Variants in GABRG3 observed in about 807,000 individuals in gnomAD.
The protein encoded by GABRG3 is gamma-aminobutyric acid type A receptor subunit gamma3, also known as gamma-aminobutyric acid receptor subunit gamma-3.
In GABRG3, 25 loss-of-function variants were observed where a neutral mutation model predicts 48.8. That is an observed-to-expected ratio of 0.51 (90% confidence interval 0.37 to 0.72). The LOEUF (loss-of-function observed/expected upper bound fraction) is 0.72, where lower values mean the gene tolerates loss of function less well. GABRG3 is among the 30% of genes least tolerant of loss of function. The pLI is 0.00. For missense variants in GABRG3, 394 were observed against 577.9 expected, an observed-to-expected ratio of 0.68 and a Z score of 3.26; for synonymous variants, 227 against 217.6, an observed-to-expected ratio of 1.04 and a Z score of -0.38.
At position 27,031,090 on chromosome 15, in the gene GABRG3, A is replaced by ACACG. The variant is rs762941039; in HGVS notation, c.270+4271_270+4272insCGCA. On this transcript the variant is annotated intron_variant, in intron 3 of 9. Transcript: ENST00000615808. ...CACACACACACACACACACACACATACAACACATAACACATTATTATTAAC... is the reference window on the plus strand; with the variant it reads ...CACACACACACACACACACACACATACACGCAACACATAACACATTATTATTAAC... Among the ~76,000 whole-genome samples the ACACG allele has an allele frequency of 1.2e-4, 18 of 146,674 alleles. 1 individual carries two copies. The highest frequency in any genetic ancestry group is 2.5e-4 in the Non-Finnish European group (17 of 67,642).
chr15:27,403,914 C>CAAAAAAAAAAAAAAA (rs528760544), intron 5 of GABRG3, among the ~76,000 whole-genome samples: 2 of 68,526 alleles, frequency 2.9e-5, no homozygotes, highest in Non-Finnish European at 6.4e-5. Context: ...CAAAAAAAAA[C>CAAAAAAAAAAAAAAA]AAAAAAAAAA....
intron 3 of GABRG3, among the ~76,000 whole-genome samples, chr15:27,171,778 A>G (rs186112587): frequency 1.3e-5 from 2 of 152,250 alleles, no homozygotes; most frequent in East Asian, 3.9e-4. Context: ...TTCTATGTGC[A>G]GTGAGGAACT....
Position 27,180,530 on chromosome 15 carries a change from T to G in GABRG3, c.271-146279T>G, listed in dbSNP as rs1201587498. 6.6e-6 allele frequency among the ~76,000 whole-genome samples: 1 copy of G among 151,972 alleles called. No homozygotes were observed. The highest frequency in any genetic ancestry group is 1.5e-5 in the Non-Finnish European group (1 of 67,984). ...TTCCCTCAACAAACCCTGCTCCACG[T>G]ATACCCTCAGGTTCAACTCATCGCT... On this transcript the variant is annotated intron_variant, in intron 3 of 9. Transcript: ENST00000615808. The surrounding 1 kb of genome is among the most constrained non-coding windows in gnomAD (Gnocchi z 4.2).
rs1486022418 is a variant in GABRG3 at position 27,024,818 on chromosome 15, GGA to G, written c.203-1934_203-1933del. Reference sequence around the variant, plus strand: ...GGGGTGGGCAGATCACCTGAGGTCAGGAGTTCAAGACCAACCTGGCTAACATG... The same window carrying G: ...GGGGTGGGCAGATCACCTGAGGTCAGGTTCAAGACCAACCTGGCTAACATG... On this transcript the variant is annotated intron_variant, in intron 2 of 9. Coordinates refer to ENST00000615808, the MANE Select transcript of GABRG3 (RefSeq NM_033223.5). Among the ~76,000 whole-genome samples, 5 of 152,114 alleles carry G rather than the reference GGA, an allele frequency of 3.3e-5. 1 individual carries two copies. The East Asian group carries it at 9.7e-4, about 29-fold the overall frequency.
intron 3 of GABRG3, among the ~76,000 whole-genome samples, chr15:27,172,475 C>T (rs978441426): frequency 6.6e-6 from 1 of 152,132 alleles, no homozygotes; most frequent in Non-Finnish European, 1.5e-5. Context: ...CTTCACTTGA[C>T]GTTTGTGAAT....
In GABRG3 at chr15:27,397,175, G is replaced by A. The variant is rs147089313; in HGVS notation, c.574+68287G>A. ...TGACTGTATTATAAGTGAAACATAC[G>A]CCTACATGGAAGGGGGCGGGGGTGC... On this transcript the variant is annotated intron_variant, in intron 5 of 9. Coordinates refer to ENST00000615808, the MANE Select transcript of GABRG3 (RefSeq NM_033223.5). Among the ~76,000 whole-genome samples the A allele has an allele frequency of 1.9e-3, 288 of 152,236 alleles. 3 individuals carry two copies. Among genetic ancestry groups the A allele is most frequent in the Admixed American group, 0.014 (221 of 15,286 alleles).
chr15:27,537,072 T>C lies in GABRG3; in HGVS notation c.*4191T>C, dbSNP rs950403150. 4 of 151,830 alleles carry C rather than the reference T, an allele frequency of 2.6e-5. No individual in the cohort carries two copies. The highest frequency in any genetic ancestry group is 2.6e-4 in the Admixed American group (4 of 15,236). The allele number at this position is 151,830 out of a possible 1,614,324, so 9.4% of individuals were successfully genotyped here. On this transcript the variant is annotated 3_prime_UTR_variant, in exon 10 of 10. Coordinates refer to ENST00000615808, the MANE Select transcript of GABRG3 (RefSeq NM_033223.5). ...ATCTTGCAACTCTTTTTGAGTGCTT[T>C]TCCTGAGCGATTTTAAACTCTACCC...
chr15:27,472,368 C>T (rs12915318), intron 5 of GABRG3, among the ~76,000 whole-genome samples: 37 of 152,190 alleles, frequency 2.4e-4, no homozygotes, highest in Middle Eastern at 3.4e-3. Flanking sequence ...CTCTGCCTCC[C>T]GGGTTCAAGC....
chr15:27,002,848 C>G (rs1217517321), intron 2 of GABRG3, among the ~76,000 whole-genome samples: 1 of 151,542 alleles, frequency 6.6e-6, no homozygotes, highest in Non-Finnish European at 1.5e-5. Context: ...GCCTGTGGTC[C>G]CAGCTACTTG....
At chr15:27,168,445 C>T (rs1266418353) in intron 3 of GABRG3, among the ~76,000 whole-genome samples, 1 of 152,124 alleles carries the variant, frequency 6.6e-6, no homozygotes. Flanking sequence ...GAAGTTTCTC[C>T]TTCTGTTTTT....
At chr15:27,381,042 G>A (rs1895758954) in intron 5 of GABRG3, among the ~76,000 whole-genome samples, 1 of 152,158 alleles carries the variant, frequency 6.6e-6, no homozygotes. Flanking sequence ...TAGGATTACA[G>A]GCCTGAGCCA....
At chr15:27,116,090 C>G (rs1595533404) in intron 3 of GABRG3, among the ~76,000 whole-genome samples, 1 of 152,188 alleles carries the variant, frequency 6.6e-6, no homozygotes, top group South Asian at 2.1e-4. Flanking sequence ...CAACCTCAAC[C>G]AACCTGCTGA....
At chr15:27,023,681 T>C (rs1895937019) in intron 2 of GABRG3, among the ~76,000 whole-genome samples, 1 of 152,242 alleles carries the variant, frequency 6.6e-6, no homozygotes, top group South Asian at 2.1e-4. Flanking sequence ...ATTGTCTATG[T>C]ATACTACATT....
At chr15:27,024,742 A>G (rs1895954270) in intron 2 of GABRG3, among the ~76,000 whole-genome samples, 1 of 152,160 alleles carries the variant, frequency 6.6e-6, no homozygotes, top group East Asian at 1.9e-4. Flanking sequence ...AAGAGCATCT[A>G]CTGGCCGGGC....
At chr15:27,121,790 G>A (rs920548506) in intron 3 of GABRG3, among the ~76,000 whole-genome samples, 3 of 152,170 alleles carry the variant, frequency 2.0e-5, no homozygotes, top group Non-Finnish European at 2.9e-5. Context: ...AAAAAAGAGT[G>A]AGATTCTGTT....
rs532459152 is a variant in GABRG3 at position 27,354,996 on chromosome 15, A to C, written c.574+26108A>C. Among the ~76,000 whole-genome samples the C allele has an allele frequency of 7.3e-5, 11 of 151,208 alleles. No individual in the cohort carries two copies. The South Asian group carries it at 2.3e-3, about 31-fold the overall frequency. ...GGTTCTAATCGGAGGATCATTGAGA[A>C]GGAGAGAGCTCTGCCAATAATTATG... On this transcript the variant is annotated intron_variant, in intron 5 of 9. Coordinates refer to ENST00000615808, the MANE Select transcript of GABRG3 (RefSeq NM_033223.5).
At chr15:27,473,997 C>G (rs1021928159) in intron 5 of GABRG3, among the ~76,000 whole-genome samples, 1 of 152,170 alleles carries the variant, frequency 6.6e-6, no homozygotes, top group Non-Finnish European at 1.5e-5. Context: ...TACACAGAGG[C>G]CCTGAAGAGG....
Position 27,139,947 on chromosome 15 carries a change from C to T in GABRG3, c.270+113126C>T, listed in dbSNP as rs1048646653. Among the ~76,000 whole-genome samples the T allele has an allele frequency of 2.0e-5, 3 of 152,138 alleles. No individual in the cohort carries two copies. In the South Asian group the frequency reaches 6.2e-4, roughly 31 times the overall value. On this transcript the variant is annotated intron_variant, in intron 3 of 9. Coordinates refer to ENST00000615808, the MANE Select transcript of GABRG3 (RefSeq NM_033223.5). ...AATCATACCCACATAGTGAAGTTTCCATAAAAACCCAAAAGGATTGGGTTC... is the reference window on the plus strand; with the variant it reads ...AATCATACCCACATAGTGAAGTTTCTATAAAAACCCAAAAGGATTGGGTTC...
At chr15:27,387,570 A>G (rs1429528372) in intron 5 of GABRG3, among the ~76,000 whole-genome samples, 8 of 151,906 alleles carry the variant, frequency 5.3e-5, no homozygotes, top group Admixed American at 5.2e-4. Context: ...GTGTATCTCC[A>G]GGACTTGATA....
Sources: gnomAD v4.1 joint callset for allele counts (sites outside exome capture counted in the v4.1 genomes callset) on GRCh38, gnomAD v4.1.1 for gene constraint, Gnocchi (gnomAD v3.1) non-coding constraint, MANE v1.5 for transcripts, NCBI Gene and HGNC (gene_info 2026-07-23, HGNC 2026-07-21) for gene names.